MACF1: variants seen among roughly 807,000 people sequenced by gnomAD.
MACF1 encodes microtubule actin crosslinking factor 1, also known as microtubule-actin cross-linking factor 1.
A neutral mutation model predicts 854.8 loss-of-function variants in MACF1; 193 were observed. The observed-to-expected ratio is 0.23, with a 90% confidence interval of 0.20 to 0.25. MACF1 has a LOEUF of 0.25. Among genes scored for constraint, MACF1 ranks in the 10% least tolerant of loss-of-function variants. The pLI, the probability that MACF1 is intolerant of heterozygous loss-of-function variation, is 1.00. For missense variants in MACF1, 7,722 were observed against 8,929.1 expected (o/e 0.86, Z 5.45); for synonymous variants, 3,185 against 3,226.7 (o/e 0.99, Z 0.44).
chr1:39,130,100 T>C (rs1477401142), intron 2 of MACF1, among the ~76,000 whole-genome samples: 1 of 152,214 alleles, frequency 6.6e-6, no homozygotes, highest in African/African-American at 2.4e-5. Context: ...AAGTCTTGTG[T>C]TGAAATGTCG....
intron 44 of MACF1, 92 bp from the exon 45 acceptor site, chr1:39,357,283 C>G: frequency 1.5e-6 from 2 of 1,355,750 alleles, no homozygotes; most frequent in Non-Finnish European, 2.0e-6. Flanking sequence ...AAGCAGACCT[C>G]ACATGGAGTA....
At chr1:39,307,550 G>C (rs1359348380) in intron 23 of MACF1, among the ~76,000 whole-genome samples, 1 of 152,046 alleles carries the variant, frequency 6.6e-6, no homozygotes, top group Non-Finnish European at 1.5e-5. Flanking sequence ...TTCAGGTCTG[G>C]AGAAGTTTTT....
intron 97 of MACF1, among the ~76,000 whole-genome samples, 191 bp downstream of exon 97, chr1:39,469,806 ATTTGT>A (rs749395873): frequency 1.3e-5 from 2 of 152,200 alleles, no homozygotes; most frequent in Non-Finnish European, 2.9e-5. Context: ...TGTCCATGGA[ATTTGT>A]TTTGAGTTTC....
chr1:39,427,430 C>A, intron 61 of MACF1, 25 bp from the exon 62 acceptor site: 2 of 1,604,478 alleles, frequency 1.2e-6, no homozygotes, highest in Non-Finnish European at 1.7e-6. Flanking sequence ...TCTTCCTGAG[C>A]AGCTTGTTCT....
chr1:39,411,754 G>C (rs1423903845), intron 58 of MACF1: 2 of 1,613,716 alleles, frequency 1.2e-6, no homozygotes, highest in Non-Finnish European at 1.7e-6. Context: ...AGGGCTGGCT[G>C]CATCCCAGGA....
chr1:39,344,717 C>T (rs1186318892), intron 40 of MACF1, among the ~76,000 whole-genome samples: 4 of 152,154 alleles, frequency 2.6e-5, no homozygotes, highest in Non-Finnish European at 5.9e-5. Flanking sequence ...CCTTACCAGT[C>T]GAGCGTTTTT....
At chr1:39,302,198 A>G (rs1374058838) in intron 22 of MACF1, among the ~76,000 whole-genome samples, 1 of 151,996 alleles carries the variant, frequency 6.6e-6, no homozygotes, top group East Asian at 1.9e-4. Flanking sequence ...AGGTTTTACT[A>G]TGTTGCCTAG....
chr1:39,349,744 C>A, intron 42 of MACF1, 117 bp downstream of exon 42: 3 of 1,069,896 alleles, frequency 2.8e-6, no homozygotes, highest in African/African-American at 1.6e-5. Flanking sequence ...GCAATCCTCC[C>A]ACCTCAGCCT....
chr1:39,288,295 G>A (rs969133002), intron 15 of MACF1, among the ~76,000 whole-genome samples: 9 of 151,704 alleles, frequency 5.9e-5, no homozygotes, highest in Non-Finnish European at 7.4e-5. Flanking sequence ...TCAGGAGATC[G>A]AGACCATCCT....
intron 21 of MACF1, chr1:39,298,545 A>G: frequency 5.8e-6 from 2 of 345,524 alleles, no homozygotes; most frequent in East Asian, 7.6e-5. Flanking sequence ...CTCGCATTTC[A>G]ATAGAAAAGT....
chr1:39,237,943 C>T (rs937070889), intron 2 of MACF1, among the ~76,000 whole-genome samples: 1 of 152,088 alleles, frequency 6.6e-6, no homozygotes, highest in Non-Finnish European at 1.5e-5. Flanking sequence ...CCCCACAAAA[C>T]TTGTCAATGT....
At chr1:39,386,438 T>C (rs916096744) in intron 57 of MACF1, among the ~76,000 whole-genome samples, 93 of 60,444 alleles carry the variant, frequency 1.5e-3, no homozygotes, top group African/African-American at 9.7e-3. Context: ...TTTTTTTTTC[T>C]TTTTTTTTTT....
At chr1:39,384,410 T>C (rs1420123236) in intron 56 of MACF1, among the ~76,000 whole-genome samples, 1 of 152,208 alleles carries the variant, frequency 6.6e-6, no homozygotes, top group African/African-American at 2.4e-5. Flanking sequence ...TCTCATTTAA[T>C]CCTTATAACA....
At chr1:39,298,251 C>A (rs1306767928) in intron 21 of MACF1, among the ~76,000 whole-genome samples, 1 of 151,950 alleles carries the variant, frequency 6.6e-6, no homozygotes, top group Non-Finnish European at 1.5e-5. Context: ...ACATTAAAAT[C>A]TTATTTAGAT....
At chr1:39,267,782 C>T (rs1371364948) in intron 6 of MACF1, among the ~76,000 whole-genome samples, 1 of 152,166 alleles carries the variant, frequency 6.6e-6, no homozygotes, top group Non-Finnish European at 1.5e-5. Flanking sequence ...TTTTACCAAG[C>T]ACTCATTTAC....
intron 2 of MACF1, among the ~76,000 whole-genome samples, chr1:39,241,659 CAAAAAAAA>C (rs35678466): frequency 1.2e-4 from 6 of 51,506 alleles, no homozygotes; most frequent in Non-Finnish European, 1.8e-4. Context: ...GACTCCATCT[CAAAAAAAA>C]AAAAAAAAAA....
At chr1:39,401,117 ATATT>A (rs1642461342) in intron 58 of MACF1, among the ~76,000 whole-genome samples, 1 of 152,222 alleles carries the variant, frequency 6.6e-6, no homozygotes, top group Admixed American at 6.5e-5. Flanking sequence ...ATATACATAC[ATATT>A]TATTTATTCA....
At chr1:39,465,041 T>C in intron 94 of MACF1, 54 bp from the exon 95 acceptor site, 1 of 1,516,368 alleles carries the variant, frequency 6.6e-7, no homozygotes, top group Non-Finnish European at 9.1e-7. Flanking sequence ...TGACAAAATG[T>C]TCTCTTTTTT....
At chr1:39,175,358 A>G (rs994677213) in intron 2 of MACF1, among the ~76,000 whole-genome samples, 1 of 152,260 alleles carries the variant, frequency 6.6e-6, no homozygotes, top group African/African-American at 2.4e-5. Flanking sequence ...ATATGAAAAA[A>G]TAAGTATTCT....
Sources: allele counts gnomAD v4.1 joint callset (sites outside exome capture counted in the v4.1 genomes callset), GRCh38; gene constraint gnomAD v4.1.1; transcripts MANE v1.5; gene names NCBI Gene and HGNC (gene_info 2026-07-23, HGNC 2026-07-21).